The following BNC1 variants were observed in gnomAD, a reference collection of about 807,000 sequenced individuals.
BNC1 encodes zinc finger protein basonuclin-1.
In BNC1, 8 loss-of-function variants were observed where a neutral mutation model predicts 66.5. That is an observed-to-expected ratio of 0.12 (90% CI 0.07 to 0.22). BNC1 has a LOEUF of 0.22. BNC1 is among the 10% of genes least tolerant of loss of function. BNC1 has a pLI of 1.00. For missense variants in BNC1, 1,069 were observed against 1,241.3 expected (o/e 0.86, Z 2.09); for synonymous variants, 454 against 452.6 (o/e 1.00, Z -0.04).
At chr15:83,260,629 C>T (rs559661554) in intron 4 of BNC1, among the ~76,000 whole-genome samples, 3 of 152,202 alleles carry the variant, frequency 2.0e-5, no homozygotes, top group African/African-American at 4.8e-5. Flanking sequence ...CTGTCTCCTC[C>T]ACTACAGAAG....
At chr15:83,277,058 C>G (rs956321194) in intron 1 of BNC1, among the ~76,000 whole-genome samples, 9 of 152,126 alleles carry the variant, frequency 5.9e-5, no homozygotes, top group African/African-American at 1.7e-4. Flanking sequence ...TTAACAGCCA[C>G]CAAGTTTACA....
chr15:83,281,496 A>G (rs548151622), intron 1 of BNC1, among the ~76,000 whole-genome samples: 1 of 152,202 alleles, frequency 6.6e-6, no homozygotes, highest in South Asian at 2.1e-4. Flanking sequence ...GTTCCTTCTA[A>G]AAAGGACAGT....
Position 83,271,981 on chromosome 15 carries a change from G to C in BNC1, c.100-3749C>G, listed in dbSNP as rs59820153. Among the ~76,000 whole-genome samples the C allele has an allele frequency of 1.7e-3, 261 of 152,250 alleles. 1 individual carries two copies. The highest frequency in any genetic ancestry group is 6.1e-3 in the African/African-American group (253 of 41,560). On this transcript the variant is annotated intron_variant, in intron 1 of 4. Coordinates refer to ENST00000345382, the MANE Select transcript of BNC1 (RefSeq NM_001717.4). ...TCAAAACAAAAATTCTAAAAGGCAC[G>C]ATTAACTTAGTTTGTAATACACCTA...
At chr15:83,271,411 C>T (rs1298011981) in intron 1 of BNC1, among the ~76,000 whole-genome samples, 2 of 152,094 alleles carry the variant, frequency 1.3e-5, no homozygotes, top group African/African-American at 4.8e-5. Context: ...CTGAGGTGTA[C>T]AGTAAATAGC....
At chr15:83,262,685 T>C (rs1471004098) in intron 4 of BNC1, among the ~76,000 whole-genome samples, 1 of 152,210 alleles carries the variant, frequency 6.6e-6, no homozygotes, top group Non-Finnish European at 1.5e-5. Flanking sequence ...CAGCATCATC[T>C]GGGAACTTGT....
chr15:83,269,706 C>T (rs547688406), intron 1 of BNC1, among the ~76,000 whole-genome samples: 1 of 152,154 alleles, frequency 6.6e-6, no homozygotes, highest in East Asian at 1.9e-4. Context: ...ACTATATGAC[C>T]CAGAAATTCC....
At position 83,257,483 on chromosome 15, in the gene BNC1, G is replaced by A; in HGVS notation, c.2944C>T (p.Leu982=). ...GGAGATGAGGCCAGGCTTTTGTGCAGGTTGGGATTCTGGCTGTGTCTGTTT... is the reference window on the plus strand; with the variant it reads ...GGAGATGAGGCCAGGCTTTTGTGCAAGTTGGGATTCTGGCTGTGTCTGTTT... ...SRNRHSQNPN[L]HKSLASSPSH... is the part of the protein sequence containing the mutation. Residue 982 remains leucine (L), a synonymous_variant, in exon 5 of 5, where the codon CTG becomes TTG. Coordinates refer to ENST00000345382, the MANE Select transcript of BNC1 (RefSeq NM_001717.4). 1 of 1,614,198 alleles carries A rather than the reference G, an allele frequency of 6.2e-7. No individual in the cohort carries two copies. Among genetic ancestry groups the A allele is most frequent in the Non-Finnish European group, 8.5e-7 (1 of 1,180,032 alleles).
intron 4 of BNC1, among the ~76,000 whole-genome samples, chr15:83,258,982 T>C (rs987879713): frequency 6.6e-6 from 1 of 152,236 alleles, no homozygotes; most frequent in African/African-American, 2.4e-5. Context: ...AAAAGTGTGG[T>C]TGAGAATCCA....
intron 4 of BNC1, among the ~76,000 whole-genome samples, chr15:83,261,703 T>C (rs746774885): frequency 6.6e-6 from 1 of 152,214 alleles, no homozygotes; most frequent in Non-Finnish European, 1.5e-5. Context: ...ATATGCTCTA[T>C]AGCGGGGGAC....
chr15:83,268,823 G>A (rs1228465887), intron 1 of BNC1, among the ~76,000 whole-genome samples: 1 of 152,188 alleles, frequency 6.6e-6, no homozygotes, highest in Non-Finnish European at 1.5e-5. Flanking sequence ...TTGCATCAAT[G>A]CCCCTTGCAT....
chr15:83,273,241 C>T (rs536780363), intron 1 of BNC1, among the ~76,000 whole-genome samples: 7 of 152,242 alleles, frequency 4.6e-5, no homozygotes, highest in African/African-American at 1.7e-4. Context: ...TCTAAGAAAA[C>T]TTCCAATATC....
In BNC1 at chr15:83,268,273, G is replaced by A. The variant is rs764834944; in HGVS notation, c.100-41C>T. ...AAACAGGTATGTGGAGCATGTAAGT[G>A]ATGTGTGAAACATTCATTGTATTTC... On this transcript the variant is annotated intron_variant, in intron 1 of 4. Transcript: ENST00000345382. 5 of 1,510,478 alleles carry A rather than the reference G, an allele frequency of 3.3e-6. No homozygotes were observed. In the African/African-American group the frequency reaches 5.5e-5, roughly 17 times the overall value. 93.6% of individuals were successfully genotyped at this position (1,510,478 alleles called of 1,614,324 possible). A position where few individuals can be genotyped will look rare whatever the true frequency, so the allele number is the denominator to read the frequency against.
At chr15:83,276,048 A>G (rs984395037) in intron 1 of BNC1, among the ~76,000 whole-genome samples, 4 of 152,178 alleles carry the variant, frequency 2.6e-5, no homozygotes, top group African/African-American at 9.7e-5. Context: ...ACTTCCAGTT[A>G]AGCCATGTAA....
chr15:83,275,491 CAAA>C (rs35785505), intron 1 of BNC1, among the ~76,000 whole-genome samples: 2 of 82,988 alleles, frequency 2.4e-5, no homozygotes, highest in Non-Finnish European at 2.5e-5. Flanking sequence ...GACTCCATCT[CAAA>C]AAAAAAAAAA....
chr15:83,270,207 T>C (rs1305927740), intron 1 of BNC1, among the ~76,000 whole-genome samples: 1 of 152,228 alleles, frequency 6.6e-6, no homozygotes, highest in African/African-American at 2.4e-5. Flanking sequence ...ACTCACCCAT[T>C]TAAGGTGTAC....
chr15:83,260,913 C>T (rs1046460364), intron 4 of BNC1, among the ~76,000 whole-genome samples: 3 of 152,182 alleles, frequency 2.0e-5, no homozygotes, highest in Admixed American at 6.5e-5. Context: ...AGGTAAAATG[C>T]ATTTCAAGTT....
rs375359195 is a variant in BNC1, at chr15:83,263,986, C to A, written c.1265G>T (p.Arg422Leu). ...RLHMPMNRNN[R>L]DKDLRNSLNL... ...CAGGCTGTTCCTGAGGTCTTTGTCC[C>A]GGTTATTTCTGTTCATTGGCATGTG... The change falls in exon 4 of 5, where the codon CGG (arginine) becomes CTG (leucine). Residue 422 changes from arginine (R) to leucine (L), a missense_variant. By Grantham distance (102) the Arg-to-Leu change is moderately radical. Around this residue, in one of 7 missense-constraint regions of BNC1, gnomAD observed 657 missense variants for 715.8 expected, o/e 0.92. Coordinates refer to ENST00000345382, the MANE Select transcript of BNC1 (RefSeq NM_001717.4). 1 of 1,614,114 alleles carries A rather than the reference C, an allele frequency of 6.2e-7. No individual in the cohort carries two copies. Among genetic ancestry groups the A allele is most frequent in the Admixed American group, 1.7e-5 (1 of 60,024 alleles).
chr15:83,277,940 A>G (rs948128483), intron 1 of BNC1, among the ~76,000 whole-genome samples: 7 of 150,608 alleles, frequency 4.6e-5, no homozygotes, highest in African/African-American at 1.7e-4. Flanking sequence ...TTTTCTCCTT[A>G]CCTTCCCACC....
intron 1 of BNC1, among the ~76,000 whole-genome samples, chr15:83,282,609 C>T (rs1282829367): frequency 6.6e-6 from 1 of 152,140 alleles, no homozygotes; most frequent in African/African-American, 2.4e-5. Context: ...GTATCCATCA[C>T]TGAACAAAAG....
Sources: gnomAD v4.1 joint callset for allele counts (sites outside exome capture counted in the v4.1 genomes callset) on GRCh38, gnomAD v4.1.1 for gene constraint, gnomAD v4.1.1 regional missense constraint, MANE v1.5 for transcripts, NCBI Gene and HGNC (gene_info 2026-07-23, HGNC 2026-07-21) for gene names.